The following RBP7 variants were observed in gnomAD, a reference collection of about 807,000 sequenced individuals.
RBP7 encodes retinol binding protein 7, also known as retinoid-binding protein 7.
RBP7 carries 13 observed loss-of-function variants against 16.7 expected under a neutral mutation model. That is an observed-to-expected ratio of 0.78 (90% CI 0.51 to 1.24). The LOEUF (loss-of-function observed/expected upper bound fraction) is 1.24. Ranked by LOEUF, RBP7 falls within the 50% of genes most tolerant of loss-of-function variation. RBP7 has a pLI of 0.00. For missense variants in RBP7, 145 were observed against 159.5 expected (o/e 0.91, Z 0.49); for synonymous variants, 54 against 56.2 (o/e 0.96, Z 0.17).
At chr1:10,014,680 C>T (rs1311345294) in intron 3 of RBP7, among the ~76,000 whole-genome samples, 1 of 151,984 alleles carries the variant, frequency 6.6e-6, no homozygotes, top group Non-Finnish European at 1.5e-5. Context: ...TGCGCCCGGC[C>T]CCATCAGGCT....
rs538936882 is a variant in RBP7, at chr1:10,003,431, TAAAC to T, written c.74-4119_74-4116del. On this transcript the variant is annotated intron_variant, in intron 1 of 3. Transcript: ENST00000294435. ...TGACAAGAGCAAAACTCTGTCTGAA[TAAAC>T]AAACAAACAAACAAACAAAAACAAA... Among the ~76,000 whole-genome samples the T allele has an allele frequency of 4.5e-3, 678 of 152,090 alleles. 1 individual carries two copies. The highest frequency in any genetic ancestry group is 7.8e-3 in the Non-Finnish European group (527 of 67,978).
rs1642193745 is a variant in RBP7, at chr1:9,997,414, G to A, written c.73+83G>A. 1.5e-6 allele frequency: 2 copies of A among 1,358,806 alleles called. No homozygotes were observed. Among genetic ancestry groups the A allele is most frequent in the Non-Finnish European group, 2.1e-6 (2 of 960,012 alleles). The allele number at this position is 1,358,806 out of a possible 1,614,324, so 84.2% of individuals were successfully genotyped here. ...CGAAGGCGGCCGGGCCGGGCCTGTA[G>A]GTACGTCCTCTGTCCGTGCCTCCGC... On this transcript the variant is annotated intron_variant, in intron 1 of 3. Transcript: ENST00000294435. The surrounding 1 kb of genome is among the most constrained non-coding windows in gnomAD (Gnocchi z 5.9).
At chr1:9,999,812 C>G (rs1642231821) in intron 1 of RBP7, among the ~76,000 whole-genome samples, 1 of 96,352 alleles carries the variant, frequency 1.0e-5, no homozygotes, top group Non-Finnish European at 1.7e-5. Context: ...TACTGTAATA[C>G]TCTTTTTTTT....
At chr1:10,013,011 C>T (rs991011244) in intron 3 of RBP7, among the ~76,000 whole-genome samples, 5 of 150,550 alleles carry the variant, frequency 3.3e-5, no homozygotes, top group African/African-American at 1.2e-4. Flanking sequence ...GAAATCTGCC[C>T]ATGCAGGGCA....
chr1:10,015,096 C>T (rs551113612), intron 3 of RBP7, among the ~76,000 whole-genome samples: 1 of 152,166 alleles, frequency 6.6e-6, no homozygotes, highest in Admixed American at 6.6e-5. Flanking sequence ...AACTATAATC[C>T]TAGCACTTTC....
rs144457958 is a variant in RBP7 at position 9,997,270 on chromosome 1, C to T, written c.12C>T (p.Asp4=). 193 of 1,610,252 alleles carry T rather than the reference C, an allele frequency of 1.2e-4. No homozygotes were observed. Among genetic ancestry groups the T allele is most frequent in the Admixed American group, 2.7e-4 (16 of 59,862 alleles). The change falls in exon 1 of 4, where the codon GAC becomes GAT. Residue 4 remains aspartate (D), a synonymous_variant. Transcript: ENST00000294435. The surrounding 1 kb of genome is among the most constrained non-coding windows in gnomAD (Gnocchi z 5.9). ...CGCGATCCCCGACCATGCCCGCCGA[C>T]CTCAGCGGTACTTGGACCCTGCTCA... is the stretch of plus-strand genomic sequence containing the variant. MPA[D]LSGTWTLLSS... is the part of the protein sequence containing the mutation.
chr1:10,003,145 A>G (rs2101733430), intron 1 of RBP7, among the ~76,000 whole-genome samples: 1 of 152,212 alleles, frequency 6.6e-6, no homozygotes, highest in East Asian at 1.9e-4. Flanking sequence ...ACCACCCGTT[A>G]GCCGGGCATG....
intron 1 of RBP7, among the ~76,000 whole-genome samples, chr1:9,998,119 G>C (rs530173114): frequency 6.6e-6 from 1 of 152,302 alleles, no homozygotes; most frequent in East Asian, 1.9e-4. Flanking sequence ...CTTCCAAGTA[G>C]CTGGGATTAC....
intron 1 of RBP7, among the ~76,000 whole-genome samples, chr1:9,998,409 T>TTC (rs1206546410): frequency 4.0e-4 from 49 of 123,586 alleles, no homozygotes; most frequent in African/African-American, 1.3e-3. Context: ...CTTTCTTTCT[T>TTC]TTTTTTTTTT....
intron 1 of RBP7, 62 bp from the exon 2 acceptor site, chr1:10,007,508 C>A: frequency 8.1e-7 from 1 of 1,235,898 alleles, no homozygotes; most frequent in Non-Finnish European, 1.1e-6. Context: ...AGAACAGCTA[C>A]CAAATTCTTC....
chr1:10,000,799 G>A (rs1250146195), intron 1 of RBP7, among the ~76,000 whole-genome samples: 4 of 151,784 alleles, frequency 2.6e-5, no homozygotes, highest in South Asian at 2.1e-4. Context: ...GCAGTGGTGC[G>A]ATCTCGGCTC....
chr1:10,003,287 G>A (rs761395033), intron 1 of RBP7, among the ~76,000 whole-genome samples: 3 of 152,104 alleles, frequency 2.0e-5, no homozygotes, highest in Non-Finnish European at 4.4e-5. Context: ...TTAGCTGGGC[G>A]TGGTGGTGGG....
At chr1:10,010,363 G>A (rs1009793114) in intron 3 of RBP7, among the ~76,000 whole-genome samples, 13 of 151,772 alleles carry the variant, frequency 8.6e-5, no homozygotes, top group Admixed American at 3.9e-4. Flanking sequence ...TGATCCACCC[G>A]CCTCTGCCTC....
In RBP7 at chr1:10,015,885, A is replaced by G. The variant is rs1215828971; in HGVS notation, c.*53A>G. ...TGGCTGCAGCTTTATGCCAAATTAT[A>G]TTGCAGACTGAACAGACGTTTATCT... is the stretch of plus-strand genomic sequence containing the variant. On this transcript the variant is annotated 3_prime_UTR_variant, in exon 4 of 4. Coordinates refer to ENST00000294435, the MANE Select transcript of RBP7 (RefSeq NM_052960.3). 5 of 1,525,446 alleles carry G rather than the reference A, an allele frequency of 3.3e-6. No individual in the cohort carries two copies. The South Asian group carries it at 3.4e-5, about 10-fold the overall frequency. 94.5% of individuals were successfully genotyped at this position (1,525,446 alleles called of 1,614,324 possible). A position where few individuals can be genotyped will look rare whatever the true frequency, so the allele number is the denominator to read the frequency against.
intron 1 of RBP7, among the ~76,000 whole-genome samples, chr1:10,006,570 T>A (rs1403233913): frequency 6.6e-6 from 1 of 151,876 alleles, no homozygotes; most frequent in Non-Finnish European, 1.5e-5. Context: ...GATGCAAGCC[T>A]GTAATTCCAG....
At chr1:10,013,879 G>A (rs1642700591) in intron 3 of RBP7, among the ~76,000 whole-genome samples, 1 of 152,050 alleles carries the variant, frequency 6.6e-6, no homozygotes. Flanking sequence ...GGGTGGCTGA[G>A]GTGGGAGGAT....
chr1:10,009,446 T>C (rs1020045965), intron 3 of RBP7, among the ~76,000 whole-genome samples: 1 of 151,156 alleles, frequency 6.6e-6, no homozygotes, highest in Non-Finnish European at 1.5e-5. Flanking sequence ...GGCATGAAGA[T>C]GAGAATGGCC....
intron 1 of RBP7, chr1:10,007,103 T>C (rs769794901): frequency 6.0e-5 from 20 of 332,126 alleles, no homozygotes; most frequent in South Asian, 4.4e-4. Context: ...TGTGCCACCA[T>C]GCCCGGCTAA....
intron 1 of RBP7, among the ~76,000 whole-genome samples, chr1:10,004,524 C>T (rs929717854): frequency 2.6e-5 from 4 of 151,678 alleles, no homozygotes; most frequent in African/African-American, 7.3e-5. Flanking sequence ...TACAGGCATG[C>T]GCCACCATGC....
Sources: allele counts gnomAD v4.1 joint callset (sites outside exome capture counted in the v4.1 genomes callset), GRCh38; gene constraint gnomAD v4.1.1; non-coding constraint Gnocchi (gnomAD v3.1); transcripts MANE v1.5; gene names NCBI Gene and HGNC (gene_info 2026-07-23, HGNC 2026-07-21).